Variants in MCPH1 observed in about 807,000 individuals in gnomAD.
MCPH1 encodes microcephalin.
Under a neutral mutation model 84.5 loss-of-function variants are expected in MCPH1, and 104 were observed. The observed-to-expected ratio is 1.23, with a 90% CI of 1.05 to 1.45. MCPH1 has a LOEUF of 1.45. Among genes scored for constraint, MCPH1 ranks in the 40% most tolerant of loss-of-function variants. MCPH1 has a pLI of 0.00. For missense variants in MCPH1, 1,498 were observed against 1,005.7 expected, an observed-to-expected ratio of 1.49 and a Z score of -6.62; for synonymous variants, 514 against 366.8, an observed-to-expected ratio of 1.40 and a Z score of -4.58.
chr8:6,531,493 T>C (rs1819505278), intron 12 of MCPH1, among the ~76,000 whole-genome samples: 1 of 152,146 alleles, frequency 6.6e-6, no homozygotes, highest in Admixed American at 6.5e-5. Context: ...GTTTTCGCCA[T>C]GTTGGCCAGG....
intron 12 of MCPH1, among the ~76,000 whole-genome samples, chr8:6,570,628 T>A (rs1826575565): frequency 6.6e-6 from 1 of 152,118 alleles, no homozygotes; most frequent in African/African-American, 2.4e-5. Flanking sequence ...GAAACCCTGT[T>A]AGTGGGAAGG....
chr8:6,444,527 T>C lies in MCPH1; in HGVS notation c.805T>C (p.Leu269=), dbSNP rs1253814305. ...KSDVCISSLV[L]KANNIHSSPS... The stretch of plus-strand genomic sequence containing the variant: ...TGATGTGTGTATTTCTTCACTTGTA[T>C]TGAAAGCAAATAATATTCATTCATC... The change falls in exon 8 of 14, where the codon TTG becomes CTG. Residue 269 remains leucine (L), a synonymous_variant. Coordinates refer to ENST00000344683, the MANE Select transcript of MCPH1 (RefSeq NM_024596.5). 6.2e-6 allele frequency: 10 copies of C among 1,614,120 alleles called. No individual in the cohort carries two copies. The East Asian group carries it at 2.2e-4, about 36-fold the overall frequency.
rs547994885 is a variant in MCPH1 at position 6,642,161 on chromosome 8, C to T, written c.2453-833C>T. ...TTCTTAAGTTCCTTCAAATGTAACT[C>T]TGTAATTATAATTATATATTCACAC... On this transcript the variant is annotated intron_variant, in intron 13 of 13. Coordinates refer to ENST00000344683, the MANE Select transcript of MCPH1 (RefSeq NM_024596.5). Among the ~76,000 whole-genome samples, 3 of 152,288 alleles carry T rather than the reference C, an allele frequency of 2.0e-5. No homozygotes were observed. The East Asian group carries it at 5.8e-4, about 29-fold the overall frequency.
intron 9 of MCPH1, among the ~76,000 whole-genome samples, chr8:6,457,966 G>A (rs1400628196): frequency 2.0e-5 from 3 of 152,140 alleles, no homozygotes; most frequent in South Asian, 2.1e-4. Context: ...AGACATGCTG[G>A]TGTCATTAAT....
At chr8:6,604,081 A>G (rs1221787862) in intron 12 of MCPH1, among the ~76,000 whole-genome samples, 1 of 151,450 alleles carries the variant, frequency 6.6e-6, no homozygotes, top group Non-Finnish European at 1.5e-5. Flanking sequence ...AAACAGGCAC[A>G]CTCTGCTGGT....
chr8:6,483,772 A>G (rs34635086), intron 11 of MCPH1, among the ~76,000 whole-genome samples: 20,787 of 152,162 alleles, frequency 0.14, 1,598 homozygotes, highest in Middle Eastern at 0.26. Flanking sequence ...AGGCACAAGA[A>G]TCACTTAAAC....
intron 12 of MCPH1, among the ~76,000 whole-genome samples, chr8:6,614,019 G>A (rs1183011155): frequency 1.3e-5 from 2 of 152,116 alleles, no homozygotes; most frequent in South Asian, 2.1e-4. Flanking sequence ...TGCAGACATC[G>A]TTTGTACTTC....
intron 12 of MCPH1, among the ~76,000 whole-genome samples, chr8:6,611,786 T>A (rs1364249925): frequency 1.3e-5 from 2 of 151,924 alleles, no homozygotes; most frequent in African/African-American, 2.4e-5. Flanking sequence ...GCCCGGCTAA[T>A]TTTTTGTATT....
chr8:6,481,245 G>T (rs1348619478), intron 11 of MCPH1, among the ~76,000 whole-genome samples: 2 of 152,210 alleles, frequency 1.3e-5, no homozygotes, highest in South Asian at 2.1e-4. Flanking sequence ...GTGGTGGTTT[G>T]CAGAGCCAAA....
chr8:6,640,035 G>A (rs1013981618), intron 13 of MCPH1, among the ~76,000 whole-genome samples: 2 of 150,114 alleles, frequency 1.3e-5, no homozygotes, highest in Non-Finnish European at 3.0e-5. Flanking sequence ...CCTGCAATAC[G>A]GCTGGCTTCT....
chr8:6,445,349 A>T lies in MCPH1; in HGVS notation c.1627A>T (p.Thr543Ser), dbSNP rs758120664. The T allele has an allele frequency of 6.8e-6, 11 of 1,614,200 alleles. No homozygotes were observed. The highest frequency in any genetic ancestry group is 1.6e-4 in the Middle Eastern group (1 of 6,062). ...ALPKGHDDDLTPLEGSLEEMK... is the reference protein window; with the variant it reads ...ALPKGHDDDLSPLEGSLEEMK... ...TCCAAAAGGACATGATGATGATTTA[A>T]CTCCTTTGGAAGGAAGCCTTGAAGA... The change falls in exon 8 of 14, where the codon ACT becomes TCT. Residue 543 changes from threonine (T) to serine (S), a missense_variant. Physicochemically the swap from Thr to Ser is moderately conservative, Grantham distance 58. Coordinates refer to ENST00000344683, the MANE Select transcript of MCPH1 (RefSeq NM_024596.5).
intron 12 of MCPH1, among the ~76,000 whole-genome samples, chr8:6,592,711 G>T (rs1177083968): frequency 1.4e-5 from 2 of 145,830 alleles, no homozygotes; most frequent in Admixed American, 1.4e-4. Flanking sequence ...CTGAAGTGCA[G>T]TGGCGCTCTG....
At chr8:6,573,891 C>T (rs1826858196) in intron 12 of MCPH1, among the ~76,000 whole-genome samples, 1 of 152,234 alleles carries the variant, frequency 6.6e-6, no homozygotes, top group Admixed American at 6.5e-5. Context: ...GAAAAAACCA[C>T]AATGAATTGT....
At chr8:6,631,739 G>C (rs961524489) in intron 13 of MCPH1, among the ~76,000 whole-genome samples, 2 of 151,912 alleles carry the variant, frequency 1.3e-5, no homozygotes, top group Non-Finnish European at 2.9e-5. Flanking sequence ...GTAATGTTGG[G>C]AATGTAAGAT....
At chr8:6,425,733 G>A (rs1800964644) in intron 3 of MCPH1, among the ~76,000 whole-genome samples, 1 of 152,152 alleles carries the variant, frequency 6.6e-6, no homozygotes, top group Non-Finnish European at 1.5e-5. Flanking sequence ...GTAAAGTTTG[G>A]CAAATGATCT....
In MCPH1 at chr8:6,647,903, T is replaced by A. The variant is rs1325705137; in HGVS notation, c.*4854T>A. On this transcript the variant is annotated 3_prime_UTR_variant, in exon 14 of 14. Coordinates refer to ENST00000344683, the MANE Select transcript of MCPH1 (RefSeq NM_024596.5). ...GGTAAGCCTTAAGGCATGTGAATTA[T>A]ACACCAATAAAGCTATTTTTTTTAA... The A allele has an allele frequency of 6.6e-6, 1 of 151,944 alleles. No homozygotes were observed. The highest frequency in any genetic ancestry group is 1.5e-5 in the Non-Finnish European group (1 of 67,988). 9.4% of individuals were successfully genotyped at this position (151,944 alleles called of 1,614,324 possible).
intron 12 of MCPH1, among the ~76,000 whole-genome samples, chr8:6,550,510 C>G (rs1823451674): frequency 6.6e-6 from 1 of 152,214 alleles, no homozygotes; most frequent in African/African-American, 2.4e-5. Flanking sequence ...TGTGCCAAAA[C>G]TGGCCTGCTC....
chr8:6,639,681 CATATTTACATAGAAATAAATGT>C (rs1797799289), intron 13 of MCPH1, among the ~76,000 whole-genome samples: 1 of 149,210 alleles, frequency 6.7e-6, no homozygotes, highest in African/African-American at 2.5e-5. Context: ...AAAAAAAAAA[CATATTTACATAGAAATAAATGT>C]ATATAAACAC....
At chr8:6,615,813 A>G (rs1461883547) in intron 12 of MCPH1, 1 of 152,200 alleles carries the variant, frequency 6.6e-6, no homozygotes, top group South Asian at 2.1e-4. Context: ...GACAGAGTCT[A>G]TTTAAAAGAG....
Sources: gnomAD v4.1 joint callset for allele counts (sites outside exome capture counted in the v4.1 genomes callset) on GRCh38, gnomAD v4.1.1 for gene constraint, MANE v1.5 for transcripts, NCBI Gene and HGNC (gene_info 2026-07-23, HGNC 2026-07-21) for gene names.